GPR137B: variants seen among roughly 807,000 people sequenced by gnomAD.
GPR137B encodes G protein-coupled receptor 137B.
Under a neutral mutation model 42.5 loss-of-function variants are expected in GPR137B, and 42 were observed. That is an observed-to-expected ratio of 0.99 (90% CI 0.77 to 1.28). The LOEUF (loss-of-function observed/expected upper bound fraction) is 1.28. GPR137B is among the 50% of genes most tolerant of loss of function. The pLI, the probability that GPR137B is intolerant of heterozygous loss-of-function variation, is 0.00. For missense variants in GPR137B, 487 were observed against 493.9 expected (o/e 0.99, Z 0.13); for synonymous variants, 218 against 209.7 (o/e 1.04, Z -0.34).
In GPR137B at chr1:236,208,476, T is replaced by C; in HGVS notation, c.*318T>C. 1.1e-6 allele frequency: 1 copy of C among 882,124 alleles called. No homozygotes were observed. The highest frequency in any genetic ancestry group is 1.4e-6 in the Non-Finnish European group (1 of 714,784). 54.6% of individuals were successfully genotyped at this position (882,124 alleles called of 1,614,324 possible). On this transcript the variant is annotated 3_prime_UTR_variant, in exon 7 of 7. Coordinates refer to ENST00000366592, the MANE Select transcript of GPR137B (RefSeq NM_003272.4). Reference sequence around the variant, plus strand: ...TAGGGTTTTTTTTTCTTGAGAATGTTACTGCAATCATGTTGTAGTTTGCAC... The same window carrying C: ...TAGGGTTTTTTTTTCTTGAGAATGTCACTGCAATCATGTTGTAGTTTGCAC...
In GPR137B at chr1:236,183,907, G is replaced by C. The variant is rs1662952106; in HGVS notation, c.966+1G>C. 2 of 1,603,612 alleles carry C rather than the reference G, an allele frequency of 1.2e-6. No individual in the cohort carries two copies. The highest frequency in any genetic ancestry group is 1.7e-5 in the Admixed American group (1 of 59,584). On this transcript the variant is annotated splice_donor_variant, in intron 5 of 6. Coordinates refer to ENST00000366592, the MANE Select transcript of GPR137B (RefSeq NM_003272.4). LOFTEE classifies it high-confidence loss of function. ...AGTTAGAAATCCTACAAAGGACCTT[G>C]TAAGTAAACCATTTTACATTTGTAA...
intron 1 of GPR137B, among the ~76,000 whole-genome samples, chr1:236,152,762 AAAAC>A (rs1661906638): frequency 6.6e-6 from 1 of 151,932 alleles, no homozygotes; most frequent in African/African-American, 2.4e-5. Flanking sequence ...CTCAAAAAGA[AAAAC>A]AATGTATTGG....
At position 236,150,014 on chromosome 1, in the gene GPR137B, CCTGTGTGTGT is replaced by C. The variant is rs1661803067; in HGVS notation, c.414+6979_414+6988del. Among the ~76,000 whole-genome samples the C allele has an allele frequency of 3.4e-5, 5 of 145,320 alleles. No homozygotes were observed. The highest frequency in any genetic ancestry group is 3.4e-4 in the Admixed American group (5 of 14,658). ...TTGTGTATGTGTGCCTGTGTGTGTG[CCTGTGTGTGT>C]ACCTGTGTGTGTGTGTGCCTGCCTC... On this transcript the variant is annotated intron_variant, in intron 1 of 6. Transcript: ENST00000366592. This position sits in a 1 kb window ranked among gnomAD's most constrained non-coding sequence, Gnocchi z 6.2.
At chr1:236,190,196 C>G (rs1234586584) in intron 5 of GPR137B, among the ~76,000 whole-genome samples, 1 of 140,210 alleles carries the variant, frequency 7.1e-6, no homozygotes, top group Non-Finnish European at 1.5e-5. Context: ...AAATATTCCT[C>G]CGTCCCTTTA....
At chr1:236,170,836 C>T (rs10924499) in intron 2 of GPR137B, among the ~76,000 whole-genome samples, 6,352 of 151,820 alleles carry the variant, frequency 0.042, 387 homozygotes, top group African/African-American at 0.13. Flanking sequence ...ATTAGCTGTG[C>T]GTGGTTGCAG....
intron 1 of GPR137B, among the ~76,000 whole-genome samples, chr1:236,165,914 G>A (rs181270794): frequency 1.3e-5 from 2 of 152,322 alleles, no homozygotes; most frequent in Admixed American, 1.3e-4. Context: ...ATTCTTACAA[G>A]TGGAATTGTT....
intron 5 of GPR137B, among the ~76,000 whole-genome samples, chr1:236,198,040 C>T (rs530061183): frequency 7.2e-5 from 11 of 151,960 alleles, no homozygotes; most frequent in East Asian, 2.0e-4. Context: ...TATTCTTATA[C>T]GAGTACTATG....
chr1:236,178,094 A>G (rs556213948), intron 2 of GPR137B, among the ~76,000 whole-genome samples: 1 of 152,230 alleles, frequency 6.6e-6, no homozygotes, highest in East Asian at 1.9e-4. Flanking sequence ...ATAAAACGCC[A>G]TCCCGAGCTG....
intron 2 of GPR137B, among the ~76,000 whole-genome samples, chr1:236,176,481 G>C (rs566686980): frequency 6.6e-6 from 1 of 152,160 alleles, no homozygotes; most frequent in East Asian, 1.9e-4. Context: ...CCTGCCCCCT[G>C]AGCTGCTTGG....
intron 5 of GPR137B, among the ~76,000 whole-genome samples, chr1:236,186,239 A>C (rs1663017439): frequency 1.6e-5 from 1 of 60,872 alleles, no homozygotes. Context: ...ATATATAATA[A>C]TATAAATAAT....
intron 5 of GPR137B, among the ~76,000 whole-genome samples, chr1:236,186,225 T>TATATAATAATATAA (rs1558491305): frequency 2.4e-5 from 1 of 42,380 alleles, no homozygotes; most frequent in Non-Finnish European, 3.7e-5. Context: ...TTATATATAA[T>TATATAATAATATAA]ATAATATATA....
intron 3 of GPR137B, among the ~76,000 whole-genome samples, chr1:236,179,075 G>A (rs898417708): frequency 1.3e-5 from 2 of 151,928 alleles, no homozygotes; most frequent in African/African-American, 4.8e-5. Context: ...GGGATTACAG[G>A]TGTGAGCCAC....
In GPR137B at chr1:236,195,596, T is replaced by C. The variant is rs116611011; in HGVS notation, c.967-9530T>C. Among the ~76,000 whole-genome samples, 1,159 of 152,344 alleles carry C rather than the reference T, an allele frequency of 7.6e-3. 6 individuals are homozygous for C. The highest frequency in any genetic ancestry group is 0.011 in the Non-Finnish European group (759 of 68,038). ...GATTGCAGATATCTCTTCAATATCC[T>C]GATTTCCCTTCTTTTGGGTAGATAC... On this transcript the variant is annotated intron_variant, in intron 5 of 6. Coordinates refer to ENST00000366592, the MANE Select transcript of GPR137B (RefSeq NM_003272.4).
In GPR137B at chr1:236,142,608, C is replaced by A; in HGVS notation, c.-15C>A. 1 of 1,303,178 alleles carries A rather than the reference C, an allele frequency of 7.7e-7. No individual in the cohort carries two copies. Among genetic ancestry groups the A allele is most frequent in the Non-Finnish European group, 9.7e-7 (1 of 1,033,328 alleles). The allele number at this position is 1,303,178 out of a possible 1,614,324, so 80.7% of individuals were successfully genotyped here. On this transcript the variant is annotated 5_prime_UTR_variant, in exon 1 of 7. Transcript: ENST00000366592. Reference sequence around the variant, plus strand: ...GCGGAGACCCCCGCGGGGGCGGCGGCGGCCGTGAGCCCCGATGAGGCCCGA... The same window carrying A: ...GCGGAGACCCCCGCGGGGGCGGCGGAGGCCGTGAGCCCCGATGAGGCCCGA...
At chr1:236,174,555 A>G (rs1399456334) in intron 2 of GPR137B, among the ~76,000 whole-genome samples, 1 of 152,178 alleles carries the variant, frequency 6.6e-6, no homozygotes, top group Non-Finnish European at 1.5e-5. Context: ...TAGAGTGGGA[A>G]TGAAGAATCT....
chr1:236,201,711 T>A (rs2102925457), intron 5 of GPR137B, among the ~76,000 whole-genome samples: 1 of 152,240 alleles, frequency 6.6e-6, no homozygotes, highest in East Asian at 1.9e-4. Flanking sequence ...TTCTCTGGTA[T>A]CTCTTTGAGT....
Position 236,155,134 on chromosome 1 carries a change from G to A in GPR137B, c.414+12098G>A, listed in dbSNP as rs372408570. Among the ~76,000 whole-genome samples the A allele has an allele frequency of 1.4e-4, 21 of 152,222 alleles. No homozygotes were observed. Among genetic ancestry groups the A allele is most frequent in the African/African-American group, 5.1e-4 (21 of 41,462 alleles). The stretch of plus-strand genomic sequence containing the variant: ...TCTGTGCGGAACTGATGCCGAGACG[G>A]ACTCCACCCAGGCAGTGGGCAGGCG... On this transcript the variant is annotated intron_variant, in intron 1 of 6. Coordinates refer to ENST00000366592, the MANE Select transcript of GPR137B (RefSeq NM_003272.4). The surrounding 1 kb of genome is among the most constrained non-coding windows in gnomAD (Gnocchi z 4.6).
intron 4 of GPR137B, among the ~76,000 whole-genome samples, chr1:236,181,762 T>C (rs1336765230): frequency 6.6e-6 from 1 of 152,168 alleles, no homozygotes; most frequent in Non-Finnish European, 1.5e-5. Context: ...AAGGCACTGC[T>C]AAGGGCGTGC....
At chr1:236,203,403 C>G (rs918749892) in intron 5 of GPR137B, among the ~76,000 whole-genome samples, 1 of 152,104 alleles carries the variant, frequency 6.6e-6, no homozygotes, top group East Asian at 1.9e-4. Flanking sequence ...ATACCAGTAC[C>G]ATGCTGTTTT....
Sources: allele counts gnomAD v4.1 joint callset (sites outside exome capture counted in the v4.1 genomes callset), GRCh38; gene constraint gnomAD v4.1.1; non-coding constraint Gnocchi (gnomAD v3.1); transcripts MANE v1.5; gene names NCBI Gene and HGNC (gene_info 2026-07-23, HGNC 2026-07-21).